Variants in RYR3 observed in about 807,000 individuals in gnomAD.
The protein encoded by RYR3 is brain ryanodine receptor-calcium release channel.
Under a neutral mutation model 584.3 loss-of-function variants are expected in RYR3, and 207 were observed. The ratio of observed to expected loss-of-function variants is 0.35; its 90% CI spans 0.32 to 0.40. RYR3 has a LOEUF of 0.40. RYR3 is among the 10% of genes least tolerant of loss of function. RYR3 has a pLI of 1.00. For synonymous variants in RYR3, 2,416 were observed against 2,248.5 expected (o/e 1.07, Z -2.11); for missense variants, 5,616 against 6,089.2 (o/e 0.92, Z 2.59).
intron 12 of RYR3, among the ~76,000 whole-genome samples, chr15:33,567,915 G>A (rs564724197): frequency 6.6e-6 from 1 of 152,264 alleles, no homozygotes; most frequent in East Asian, 1.9e-4. Flanking sequence ...TTTATCTGGG[G>A]AGGTTTTAAT....
Position 33,647,417 on chromosome 15 carries a change from C to T in RYR3, c.3942-7C>T, listed in dbSNP as rs1351684057. 2 of 1,604,790 alleles carry T rather than the reference C, an allele frequency of 1.2e-6. No individual in the cohort carries two copies. Among genetic ancestry groups the T allele is most frequent in the East Asian group, 2.2e-5 (1 of 44,800 alleles). On this transcript the variant is annotated splice_polypyrimidine_tract_variant and splice_region_variant and intron_variant, in intron 29 of 103. Coordinates refer to ENST00000634891, the MANE Select transcript of RYR3 (RefSeq NM_001036.6). Reference sequence around the variant, plus strand: ...AATAACTAAAACATGGATTATCTTTCCCCCAGGAAACAGATGCAAGAAATA... The same window carrying T: ...AATAACTAAAACATGGATTATCTTTTCCCCAGGAAACAGATGCAAGAAATA...
chr15:33,601,493 C>A lies in RYR3; in HGVS notation c.1863C>A (p.Asp621Glu). 1 of 1,613,724 alleles carries A rather than the reference C, an allele frequency of 6.2e-7. No homozygotes were observed. Among genetic ancestry groups the A allele is most frequent in the Non-Finnish European group, 8.5e-7 (1 of 1,179,796 alleles). Reference protein sequence around the residue: ...AVRANQNLICDNLLPRRNLLL... With the variant: ...AVRANQNLICENLLPRRNLLL... ...GAGCCAACCAGAATCTGATCTGTGA[C>A]AACTTGCTGCCCCGGAGAAACCTAC... The change falls in exon 17 of 104, where the codon GAC becomes GAA. Residue 621 changes from aspartate to glutamate, a missense_variant. Physicochemically the swap from Asp to Glu is conservative, Grantham distance 45 (BLOSUM62 2). Transcript: ENST00000634891.
intron 1 of RYR3, among the ~76,000 whole-genome samples, chr15:33,469,525 A>G (rs2048758256): frequency 6.6e-6 from 1 of 151,864 alleles, no homozygotes; most frequent in African/African-American, 2.4e-5. Flanking sequence ...TGATACAGGA[A>G]AAGGGGAGGA....
At chr15:33,802,162 A>T (rs1316343667) in intron 69 of RYR3, 2 of 721,952 alleles carry the variant, frequency 2.8e-6, no homozygotes, top group Non-Finnish European at 5.1e-6. Flanking sequence ...TTTTATGAAT[A>T]AATAGCTGCT....
At chr15:33,832,293 CAA>C (rs10674932) in intron 86 of RYR3, among the ~76,000 whole-genome samples, 4 of 140,360 alleles carry the variant, frequency 2.8e-5, no homozygotes. Context: ...GACTCAGTCT[CAA>C]AAAAAAAAAG....
intron 38 of RYR3, among the ~76,000 whole-genome samples, chr15:33,685,920 A>G (rs1043591436): frequency 2.6e-5 from 4 of 152,242 alleles, no homozygotes; most frequent in African/African-American, 9.6e-5. Flanking sequence ...ACATACCAGA[A>G]TCTCTGGGAC....
intron 27 of RYR3, among the ~76,000 whole-genome samples, chr15:33,642,892 A>G (rs2061908678): frequency 6.6e-6 from 1 of 152,204 alleles, no homozygotes; most frequent in South Asian, 2.1e-4. Context: ...CTAGGACTGC[A>G]TTGACATTCT....
chr15:33,800,710 G>A lies in RYR3; in HGVS notation c.9831-60G>A, dbSNP rs190153179. On this transcript the variant is annotated intron_variant, in intron 67 of 103. Coordinates refer to ENST00000634891, the MANE Select transcript of RYR3 (RefSeq NM_001036.6). ...CTCCAGTGCTGGTATAATTTTTAGA[G>A]TGTGAATATTTTAATCTCTACTGAA... is the stretch of plus-strand genomic sequence containing the variant. The A allele has an allele frequency of 5.1e-3, 6,028 of 1,186,334 alleles. 38 individuals are homozygous for A. The highest frequency in any genetic ancestry group is 9.9e-3 in the South Asian group (813 of 81,798). The allele number at this position is 1,186,334 out of a possible 1,614,324, so 73.5% of individuals were successfully genotyped here. A position where few individuals can be genotyped will look rare whatever the true frequency, so the allele number is the denominator to read the frequency against.
At chr15:33,606,954 T>A (rs928197054) in intron 18 of RYR3, among the ~76,000 whole-genome samples, 1 of 152,166 alleles carries the variant, frequency 6.6e-6, no homozygotes, top group Admixed American at 6.5e-5. Context: ...CTCCTCAAGA[T>A]AATTTACCTC....
intron 48 of RYR3, among the ~76,000 whole-genome samples, chr15:33,732,850 G>C (rs745439016): frequency 6.6e-6 from 1 of 152,198 alleles, no homozygotes; most frequent in Non-Finnish European, 1.5e-5. Flanking sequence ...GGGCACTCCA[G>C]AGAGAGGATC....
Position 33,646,297 on chromosome 15 carries a change from G to A in RYR3, c.3766-54G>A. ...CATGTCCACGAGGGAAAAAGGGACTGGGTCAAGGTCAGGCCCTTTGGTATG... is the reference window on the plus strand; with the variant it reads ...CATGTCCACGAGGGAAAAAGGGACTAGGTCAAGGTCAGGCCCTTTGGTATG... On this transcript the variant is annotated intron_variant, in intron 28 of 103. Transcript: ENST00000634891. 2 of 1,487,830 alleles carry A rather than the reference G, an allele frequency of 1.3e-6. 1 individual carries two copies. The highest frequency in any genetic ancestry group is 2.7e-5 in the South Asian group (2 of 75,198). The allele number at this position is 1,487,830 out of a possible 1,614,324, so 92.2% of individuals were successfully genotyped here.
intron 1 of RYR3, among the ~76,000 whole-genome samples, chr15:33,402,000 G>C (rs2596213): frequency 0.028 from 4,260 of 152,234 alleles, 207 homozygotes; most frequent in African/African-American, 0.098. Flanking sequence ...GTAGTAGACT[G>C]AGAAAGATGA....
At chr15:33,629,317 A>G (rs2061155334) in intron 21 of RYR3, among the ~76,000 whole-genome samples, 1 of 152,260 alleles carries the variant, frequency 6.6e-6, no homozygotes, top group Non-Finnish European at 1.5e-5. Flanking sequence ...AAGTGTGACT[A>G]GTTTGGATTG....
chr15:33,852,957 G>A (rs1295181469), intron 94 of RYR3, 88 bp from the exon 95 acceptor site: 8 of 1,145,118 alleles, frequency 7.0e-6, no homozygotes, highest in Non-Finnish European at 1.0e-5. Context: ...AAAGATCCCA[G>A]ATCCAGGCAC....
At chr15:33,535,244 A>G (rs185777312) in intron 5 of RYR3, among the ~76,000 whole-genome samples, 1 of 152,292 alleles carries the variant, frequency 6.6e-6, no homozygotes, top group African/African-American at 2.4e-5. Context: ...CTAATTTTAT[A>G]GATCTAGAAA....
chr15:33,741,624 G>GT (rs944566502), intron 51 of RYR3, among the ~76,000 whole-genome samples: 15 of 142,170 alleles, frequency 1.1e-4, no homozygotes, highest in African/African-American at 2.9e-4. Flanking sequence ...GTTTTGTTTT[G>GT]TTTTTTTGAG....
intron 57 of RYR3, among the ~76,000 whole-genome samples, chr15:33,750,728 ATTT>A (rs149164438): frequency 0.028 from 4,207 of 152,106 alleles, 180 homozygotes; most frequent in African/African-American, 0.096. Context: ...TACCCTAGAT[ATTT>A]TTTTATTATT....
At chr15:33,822,174 C>T (rs2077144015) in intron 80 of RYR3, among the ~76,000 whole-genome samples, 1 of 152,208 alleles carries the variant, frequency 6.6e-6, no homozygotes, top group Non-Finnish European at 1.5e-5. Context: ...CACATAGAAG[C>T]ATACAACCAA....
At chr15:33,745,985 C>A in intron 52 of RYR3, 83 bp from the exon 53 acceptor site, 1 of 897,974 alleles carries the variant, frequency 1.1e-6, no homozygotes. Context: ...CCACTTGCTC[C>A]ATGAAAATAG....
Sources: gnomAD v4.1 joint callset for allele counts (sites outside exome capture counted in the v4.1 genomes callset) on GRCh38, gnomAD v4.1.1 for gene constraint, MANE v1.5 for transcripts, NCBI Gene and HGNC (gene_info 2026-07-23, HGNC 2026-07-21) for gene names.